Variants in ZFHX3 observed in about 807,000 individuals in gnomAD.
ZFHX3 encodes zinc finger homeobox protein 3.
A neutral mutation model predicts 279.1 loss-of-function variants in ZFHX3; 42 were observed. That is an observed-to-expected ratio of 0.15 (90% CI 0.12 to 0.19). The LOEUF is 0.19. Among genes scored for constraint, ZFHX3 ranks in the 10% least tolerant of loss-of-function variants. ZFHX3 has a pLI of 1.00. For missense variants in ZFHX3, 4,981 were observed against 4,754.0 expected, an observed-to-expected ratio of 1.05 and a Z score of -1.40; for synonymous variants, 2,293 against 1,957.8, an observed-to-expected ratio of 1.17 and a Z score of -4.52.
intron 1 of ZFHX3, among the ~76,000 whole-genome samples, chr16:73,760,459 A>G (rs1439499136): frequency 6.7e-6 from 1 of 148,532 alleles, no homozygotes; most frequent in Admixed American, 6.7e-5. Context: ...TCATCCTGAT[A>G]CCAAAAGCTG....
intron 3 of ZFHX3, among the ~76,000 whole-genome samples, chr16:73,446,140 A>C (rs1373331391): frequency 6.6e-6 from 1 of 152,176 alleles, no homozygotes; most frequent in Non-Finnish European, 1.5e-5. Context: ...AAGGTGTGGA[A>C]TCTTAAGTCT....
chr16:73,460,288 G>T (rs898206789), intron 2 of ZFHX3, among the ~76,000 whole-genome samples: 3 of 152,116 alleles, frequency 2.0e-5, no homozygotes, highest in African/African-American at 4.8e-5. Context: ...GTGGTCGCCT[G>T]TATCAATTGT....
intron 2 of ZFHX3, among the ~76,000 whole-genome samples, chr16:73,655,480 A>C (rs543985661): frequency 1.3e-5 from 2 of 152,358 alleles, no homozygotes; most frequent in African/African-American, 4.8e-5. Context: ...TCTATACATC[A>C]GCAAAAGACA....
intron 3 of ZFHX3, among the ~76,000 whole-genome samples, chr16:73,452,259 C>T (rs1041999039): frequency 4.6e-5 from 7 of 152,126 alleles, no homozygotes; most frequent in Admixed American, 3.9e-4. Flanking sequence ...GCTGTGAACT[C>T]TAAGCCATAG....
At chr16:73,061,540 TC>T (rs1428069250), upstream of ZFHX3, 3 of 152,092 alleles carry the variant, frequency 2.0e-5, no homozygotes, top group Admixed American at 6.5e-5. Context: ...CAACAGTTAA[TC>T]TTTTTTTTTT....
At chr16:73,498,735 C>A (rs923018027) in intron 2 of ZFHX3, among the ~76,000 whole-genome samples, 3 of 152,118 alleles carry the variant, frequency 2.0e-5, no homozygotes, top group Admixed American at 6.5e-5. Flanking sequence ...GCAGACAAAA[C>A]CAAGGCCTCA....
rs1225547806 is a variant in ZFHX3, at chr16:72,957,617, T to G, written c.2529A>C (p.Gln843His). 9 of 1,613,994 alleles carry G rather than the reference T, an allele frequency of 5.6e-6. No individual in the cohort carries two copies. Among genetic ancestry groups the G allele is most frequent in the African/African-American group, 4.0e-5 (3 of 74,896 alleles). Residue 843 changes from glutamine to histidine, a missense_variant, in exon 2 of 10, where the codon CAA becomes CAC. Coordinates refer to ENST00000268489, the MANE Select transcript of ZFHX3 (RefSeq NM_006885.4). ...TGCCGAGGCCCAGGTGGCGGTTGTG[T>G]TGGATCTGGGTCATGTTCTGTTGCA... ...MLLQQNMTQI[Q>H]HNRHLGLGSL...
intron 4 of ZFHX3, among the ~76,000 whole-genome samples, chr16:73,303,813 G>T (rs982635227): frequency 6.6e-6 from 1 of 151,878 alleles, no homozygotes; most frequent in Admixed American, 6.6e-5. Flanking sequence ...GCCACCAACA[G>T]GAGGCCACCG....
chr16:73,322,143 G>A (rs561175272), intron 3 of ZFHX3, among the ~76,000 whole-genome samples: 1 of 152,166 alleles, frequency 6.6e-6, no homozygotes, highest in Admixed American at 6.5e-5. Context: ...GCAGAGGGAG[G>A]AAGGCTGGGC....
intron 1 of ZFHX3, among the ~76,000 whole-genome samples, chr16:73,834,811 A>T (rs1961093507): frequency 6.6e-6 from 1 of 152,242 alleles, no homozygotes; most frequent in Non-Finnish European, 1.5e-5. Context: ...GAACCGCTTG[A>T]ATCCAAGAGG....
At chr16:73,838,789 T>C (rs549470175) in intron 1 of ZFHX3, among the ~76,000 whole-genome samples, 2,586 of 144,352 alleles carry the variant, frequency 0.018, 54 homozygotes, top group African/African-American at 0.055. Context: ...TGTGTGTGTG[T>C]GCGTGCGCGC....
At chr16:73,635,687 T>A (rs2052521607) in intron 2 of ZFHX3, among the ~76,000 whole-genome samples, 1 of 152,142 alleles carries the variant, frequency 6.6e-6, no homozygotes, top group African/African-American at 2.4e-5. Context: ...CACCCTGTGA[T>A]CCTGATTGTC....
chr16:73,885,407 G>C (rs2142417866), intron 1 of ZFHX3, among the ~76,000 whole-genome samples: 1 of 152,250 alleles, frequency 6.6e-6, no homozygotes, highest in African/African-American at 2.4e-5. Context: ...CTGCGCTGTG[G>C]ATGGCTGAGC....
At chr16:73,118,029 C>G (rs935278465) in intron 7 of ZFHX3, among the ~76,000 whole-genome samples, 1 of 152,152 alleles carries the variant, frequency 6.6e-6, no homozygotes, top group Non-Finnish European at 1.5e-5. Flanking sequence ...TAAGACACCC[C>G]CAAAATCACA....
At chr16:73,408,632 A>T (rs2017409489) in intron 3 of ZFHX3, among the ~76,000 whole-genome samples, 1 of 152,158 alleles carries the variant, frequency 6.6e-6, no homozygotes, top group South Asian at 2.1e-4. Context: ...GGGCTTTGGA[A>T]ATCCGTTCCC....
At chr16:73,810,700 A>C (rs953123732) in intron 1 of ZFHX3, among the ~76,000 whole-genome samples, 1 of 152,168 alleles carries the variant, frequency 6.6e-6, no homozygotes, top group African/African-American at 2.4e-5. Flanking sequence ...TCAACAACAA[A>C]AAAAAATGGA....
At chr16:73,559,945 A>T (rs1426757446) in intron 2 of ZFHX3, among the ~76,000 whole-genome samples, 1 of 152,202 alleles carries the variant, frequency 6.6e-6, no homozygotes, top group Non-Finnish European at 1.5e-5. Flanking sequence ...ATTTTATAAG[A>T]CAAATATTAT....
chr16:73,121,256 T>C (rs993468331), intron 7 of ZFHX3, among the ~76,000 whole-genome samples: 2 of 152,246 alleles, frequency 1.3e-5, no homozygotes, highest in Non-Finnish European at 2.9e-5. Context: ...AAATATGCAC[T>C]GGCTTTCAAA....
At chr16:73,421,950 G>A (rs2017726319) in intron 3 of ZFHX3, among the ~76,000 whole-genome samples, 1 of 152,068 alleles carries the variant, frequency 6.6e-6, no homozygotes, top group Non-Finnish European at 1.5e-5. Context: ...TCTGAGCAAA[G>A]GCCTACAAGA....
Sources: allele counts gnomAD v4.1 joint callset (sites outside exome capture counted in the v4.1 genomes callset), GRCh38; gene constraint gnomAD v4.1.1; transcripts MANE v1.5; gene names NCBI Gene and HGNC (gene_info 2026-07-23, HGNC 2026-07-21).